Variants in CDH12 observed in about 807,000 individuals in gnomAD.
CDH12 encodes the protein cadherin-12.
Under a neutral mutation model 74.1 loss-of-function variants are expected in CDH12, and 41 were observed. The ratio of observed to expected loss-of-function variants is 0.55; its 90% CI spans 0.43 to 0.72. The LOEUF (loss-of-function observed/expected upper bound fraction) is 0.72, where lower values mean the gene tolerates loss of function less well. Among genes scored for constraint, CDH12 ranks in the 30% least tolerant of loss-of-function variants. The pLI is 0.00. For synonymous variants in CDH12, 399 were observed against 355.0 expected, an observed-to-expected ratio of 1.12 and a Z score of -1.39; for missense variants, 945 against 977.2, an observed-to-expected ratio of 0.97 and a Z score of 0.44.
chr5:21,764,651 G>GA (rs369895363), intron 12 of CDH12, among the ~76,000 whole-genome samples: 74,201 of 110,284 alleles, frequency 0.67, 23,234 homozygotes, highest in Non-Finnish European at 0.73. Context: ...TTCATATCAA[G>GA]AAAAAAAAAA....
intron 3 of CDH12, among the ~76,000 whole-genome samples, chr5:22,232,244 C>A (rs1388979245): frequency 6.6e-6 from 1 of 151,614 alleles, no homozygotes; most frequent in Non-Finnish European, 1.5e-5. Context: ...CAATAGAAAA[C>A]CCCTCCTAAA....
intron 6 of CDH12, among the ~76,000 whole-genome samples, chr5:21,861,508 A>C (rs1028298474): frequency 6.6e-6 from 1 of 152,038 alleles, no homozygotes; most frequent in African/African-American, 2.4e-5. Flanking sequence ...TCTGTGATTA[A>C]ATTTTGTTGT....
chr5:22,745,162 G>A lies in CDH12; in HGVS notation c.-523+107896C>T, dbSNP rs565181926. ...TAAATCATAAAGTCAGGAAAATCACGTCATTCTTCAAATACTACCCATTGC... is the reference window on the plus strand; with the variant it reads ...TAAATCATAAAGTCAGGAAAATCACATCATTCTTCAAATACTACCCATTGC... On this transcript the variant is annotated intron_variant, in intron 1 of 14. Transcript: ENST00000382254. 6.6e-5 allele frequency among the ~76,000 whole-genome samples: 10 copies of A among 151,940 alleles called. No individual in the cohort carries two copies. The South Asian group carries it at 1.7e-3, about 25-fold the overall frequency.
intron 10 of CDH12, among the ~76,000 whole-genome samples, chr5:21,797,271 A>G (rs563270307): frequency 6.6e-6 from 1 of 152,230 alleles, no homozygotes; most frequent in East Asian, 1.9e-4. Context: ...TATCTTGCAC[A>G]ATAACTCTGT....
intron 4 of CDH12, among the ~76,000 whole-genome samples, chr5:22,177,294 T>C (rs1479657225): frequency 6.6e-6 from 1 of 152,144 alleles, no homozygotes; most frequent in Non-Finnish European, 1.5e-5. Context: ...TGCTTTTTTC[T>C]CATTAGTTGT....
chr5:22,622,973 T>C (rs992629901), intron 1 of CDH12, among the ~76,000 whole-genome samples: 3 of 152,192 alleles, frequency 2.0e-5, no homozygotes, highest in Non-Finnish European at 2.9e-5. Flanking sequence ...TTATCCATCA[T>C]GATCAAGTGG....
In CDH12 at chr5:22,629,892, TA is replaced by T. The variant is rs529400621; in HGVS notation, c.-522-124529del. 3.6e-3 allele frequency among the ~76,000 whole-genome samples: 547 copies of T among 152,110 alleles called. 1 individual carries two copies. Among genetic ancestry groups the T allele is most frequent in the African/African-American group, 0.01 (421 of 41,508 alleles). Reference sequence around the variant, plus strand: ...TCTGCCTAAAAGCTCCTAGGTCTGATAAAAAAACCTCAGCAAAATTTCAGAA... The same window carrying T: ...TCTGCCTAAAAGCTCCTAGGTCTGATAAAAAACCTCAGCAAAATTTCAGAA... On this transcript the variant is annotated intron_variant, in intron 1 of 14. Coordinates refer to ENST00000382254, the MANE Select transcript of CDH12 (RefSeq NM_004061.5).
In CDH12 at chr5:22,729,225, C is replaced by T. The variant is rs561686114; in HGVS notation, c.-523+123833G>A. ...GACAAAATTAAGGTGGCAACAGGGG[C>T]GTGGTTCTCATCTCAGTTTCAGGAT... On this transcript the variant is annotated intron_variant, in intron 1 of 14. Transcript: ENST00000382254. 5.3e-5 allele frequency among the ~76,000 whole-genome samples: 8 copies of T among 151,836 alleles called. No individual in the cohort carries two copies. In the East Asian group the frequency reaches 1.2e-3, roughly 22 times the overall value.
intron 2 of CDH12, among the ~76,000 whole-genome samples, chr5:22,503,027 T>C (rs1454820425): frequency 1.3e-5 from 2 of 152,106 alleles, no homozygotes; most frequent in Admixed American, 6.6e-5. Context: ...TCCTACTCTT[T>C]CCAACTACTA....
intron 2 of CDH12, among the ~76,000 whole-genome samples, chr5:22,424,814 T>C (rs1743823771): frequency 6.6e-6 from 1 of 152,088 alleles, no homozygotes; most frequent in African/African-American, 2.4e-5. Context: ...GGAATATCTA[T>C]ATTGATTGAT....
At chr5:21,789,311 C>G (rs771113201) in intron 10 of CDH12, among the ~76,000 whole-genome samples, 1 of 151,996 alleles carries the variant, frequency 6.6e-6, no homozygotes, top group African/African-American at 2.4e-5. Flanking sequence ...GAAAGAGAAA[C>G]CATGTCTTTT....
At chr5:22,059,357 AT>A (rs1741017105) in intron 5 of CDH12, among the ~76,000 whole-genome samples, 2 of 119,564 alleles carry the variant, frequency 1.7e-5, no homozygotes, top group East Asian at 4.1e-4. Context: ...CTATCTATCT[AT>A]CTATCTATCT....
At chr5:22,771,629 A>G (rs1037976089) in intron 1 of CDH12, among the ~76,000 whole-genome samples, 1 of 152,186 alleles carries the variant, frequency 6.6e-6, no homozygotes, top group African/African-American at 2.4e-5. Flanking sequence ...ATAACAAAAT[A>G]TAATCAATTT....
Position 22,405,309 on chromosome 5 carries a change from T to G in CDH12, c.-385A>C, listed in dbSNP as rs1391868438. On this transcript the variant is annotated 5_prime_UTR_variant, in exon 3 of 15. Coordinates refer to ENST00000382254, the MANE Select transcript of CDH12 (RefSeq NM_004061.5). ...CCAGCTTATGTATCTCAAATTGTTT[T>G]GACCTCCACAGTAACTTGATTCTAT... The G allele has an allele frequency of 2.0e-6, 2 of 982,474 alleles. No homozygotes were observed. The highest frequency in any genetic ancestry group is 2.4e-6 in the Non-Finnish European group (2 of 827,306). The allele number at this position is 982,474 out of a possible 1,614,324, so 60.9% of individuals were successfully genotyped here. A position where few individuals can be genotyped will look rare whatever the true frequency, so the allele number is the denominator to read the frequency against.
At chr5:21,848,856 T>A (rs982858900) in intron 7 of CDH12, among the ~76,000 whole-genome samples, 2 of 151,814 alleles carry the variant, frequency 1.3e-5, no homozygotes, top group African/African-American at 4.8e-5. Flanking sequence ...AAAACTCACA[T>A]ATAATCTTCT....
chr5:22,292,986 A>G (rs1737460519), intron 3 of CDH12, among the ~76,000 whole-genome samples: 1 of 151,974 alleles, frequency 6.6e-6, no homozygotes, highest in Non-Finnish European at 1.5e-5. Flanking sequence ...TCTGTTCCCA[A>G]CTTGTAACCC....
In CDH12 at chr5:22,026,421, G is replaced by A. The variant is rs74746306; in HGVS notation, c.232-51036C>T. On this transcript the variant is annotated intron_variant, in intron 5 of 14. Coordinates refer to ENST00000382254, the MANE Select transcript of CDH12 (RefSeq NM_004061.5). ...TGACCAACTGCTAACCCTTGGTTTC[G>A]TTATGCCTCTATTCCCATAAAATTA... 4.0e-3 allele frequency among the ~76,000 whole-genome samples: 612 copies of A among 152,178 alleles called. 8 individuals are homozygous for A. The highest frequency in any genetic ancestry group is 0.014 in the Middle Eastern group (4 of 294).
intron 11 of CDH12, among the ~76,000 whole-genome samples, chr5:21,765,687 CT>C (rs1380352572): frequency 2.0e-5 from 3 of 152,008 alleles, no homozygotes; most frequent in African/African-American, 7.2e-5. Context: ...AAGTAATAAA[CT>C]TCTATGCAAT....
rs1736228787 is a variant in CDH12 at position 21,995,464 on chromosome 5, G to A, written c.232-20079C>T. Among the ~76,000 whole-genome samples, 4 of 151,874 alleles carry A rather than the reference G, an allele frequency of 2.6e-5. No individual in the cohort carries two copies. In the South Asian group the frequency reaches 8.3e-4, roughly 32 times the overall value. On this transcript the variant is annotated intron_variant, in intron 5 of 14. Transcript: ENST00000382254. ...TTTAAACAAATGTATAGATTCATTA[G>A]TTTTACTGTGCTCCATGCCAGTATT...
Sources: allele counts gnomAD v4.1 joint callset (sites outside exome capture counted in the v4.1 genomes callset), GRCh38; gene constraint gnomAD v4.1.1; transcripts MANE v1.5; gene names NCBI Gene and HGNC (gene_info 2026-07-23, HGNC 2026-07-21).